The following AGBL4 variants were observed in gnomAD, a reference collection of about 807,000 sequenced individuals.
AGBL4 encodes cytosolic carboxypeptidase 6.
A neutral mutation model predicts 66.4 loss-of-function variants in AGBL4; 58 were observed. That is an observed-to-expected ratio of 0.87 (90% CI 0.71 to 1.09). The LOEUF is 1.09. Ranked by LOEUF, AGBL4 falls within the 50% of genes least tolerant of loss-of-function variation. The pLI, the probability that AGBL4 is intolerant of heterozygous loss-of-function variation, is 0.00. For missense variants in AGBL4, 579 were observed against 631.0 expected, an observed-to-expected ratio of 0.92 and a Z score of 0.88; for synonymous variants, 234 against 222.9, an observed-to-expected ratio of 1.05 and a Z score of -0.44.
intron 3 of AGBL4, among the ~76,000 whole-genome samples, chr1:49,695,987 A>G (rs368516398): frequency 6.6e-6 from 1 of 152,118 alleles, no homozygotes; most frequent in Non-Finnish European, 1.5e-5. Flanking sequence ...AGTTGAGATA[A>G]AATGATGAGA....
intron 4 of AGBL4, among the ~76,000 whole-genome samples, chr1:49,066,424 C>T (rs543898383): frequency 7.2e-5 from 11 of 152,202 alleles, no homozygotes; most frequent in South Asian, 6.2e-4. Context: ...TGGTGGCACA[C>T]GCCTGTAGTC....
chr1:48,764,844 G>A (rs780576795), intron 6 of AGBL4, among the ~76,000 whole-genome samples: 33 of 152,180 alleles, frequency 2.2e-4, no homozygotes, highest in Non-Finnish European at 3.2e-4. Flanking sequence ...AAGGTGCAGC[G>A]GATGACAGAG....
At chr1:49,012,621 T>C (rs1662527622) in intron 5 of AGBL4, among the ~76,000 whole-genome samples, 1 of 152,178 alleles carries the variant, frequency 6.6e-6, no homozygotes, top group Non-Finnish European at 1.5e-5. Context: ...ATTAAGGAAG[T>C]GACATGTTAT....
At chr1:49,329,722 TTGTC>T (rs1464565687) in intron 3 of AGBL4, among the ~76,000 whole-genome samples, 3 of 151,414 alleles carry the variant, frequency 2.0e-5, no homozygotes, top group Admixed American at 2.0e-4. Flanking sequence ...GCTATTTTCT[TTGTC>T]TATCAAAATT....
intron 3 of AGBL4, among the ~76,000 whole-genome samples, chr1:49,358,841 A>G (rs1242523791): frequency 1.3e-5 from 2 of 152,206 alleles, no homozygotes; most frequent in African/African-American, 4.8e-5. Context: ...ATTTATTGAC[A>G]TGGAAAGATA....
chr1:49,926,006 T>G (rs1652731897), intron 1 of AGBL4, among the ~76,000 whole-genome samples: 2 of 152,218 alleles, frequency 1.3e-5, no homozygotes, highest in South Asian at 4.1e-4. Flanking sequence ...CTGCTGACTG[T>G]ACAGCCCCCA....
chr1:48,571,012 A>G (rs1644554005), intron 11 of AGBL4, among the ~76,000 whole-genome samples: 1 of 152,220 alleles, frequency 6.6e-6, no homozygotes, highest in African/African-American at 2.4e-5. Flanking sequence ...TGGGATCCCC[A>G]TGAAGCGAGC....
intron 5 of AGBL4, among the ~76,000 whole-genome samples, chr1:48,971,282 A>G (rs1658881106): frequency 6.6e-6 from 1 of 152,100 alleles, no homozygotes; most frequent in Non-Finnish European, 1.5e-5. Context: ...GAACTGCGCA[A>G]ATGAGGGATC....
chr1:48,664,422 G>C (rs1570176467), intron 6 of AGBL4, among the ~76,000 whole-genome samples: 1 of 152,208 alleles, frequency 6.6e-6, no homozygotes, highest in East Asian at 1.9e-4. Flanking sequence ...CAAGGAGAAT[G>C]AGAATTCAGA....
At position 49,949,998 on chromosome 1, in the gene AGBL4, G is replaced by GTA. The variant is rs750658306; in HGVS notation, c.34+73763_34+73764dup. ...TACACACATATGTATATATATATGTGTATATATATATACACACACATATGT... is the reference window on the plus strand; with the variant it reads ...TACACACATATGTATATATATATGTGTATATATATATATACACACACATATGT... On this transcript the variant is annotated intron_variant, in intron 1 of 13. Transcript: ENST00000371839. 5.5e-3 allele frequency among the ~76,000 whole-genome samples: 585 copies of GTA among 105,590 alleles called. 2 individuals are homozygous for GTA. The highest frequency in any genetic ancestry group is 0.053 in the Middle Eastern group (11 of 206). The allele number at this position is 105,590 out of a possible 152,430, so 69.3% of individuals were successfully genotyped here. A position where few individuals can be genotyped will look rare whatever the true frequency, so the allele number is the denominator to read the frequency against.
intron 6 of AGBL4, among the ~76,000 whole-genome samples, chr1:48,715,455 T>A (rs561096362): frequency 6.6e-6 from 1 of 152,302 alleles, no homozygotes; most frequent in South Asian, 2.1e-4. Flanking sequence ...GATGCATCTG[T>A]CACTTCCCCC....
chr1:48,816,092 T>TAG (rs137949221), intron 6 of AGBL4, among the ~76,000 whole-genome samples: 43 of 110,554 alleles, frequency 3.9e-4, no homozygotes, highest in Non-Finnish European at 6.7e-4. Context: ...TGTGTGTGTG[T>TAG]AGAGAGAAAG....
At chr1:49,239,931 G>A (rs1313962047) in intron 4 of AGBL4, among the ~76,000 whole-genome samples, 3 of 151,920 alleles carry the variant, frequency 2.0e-5, no homozygotes, top group Admixed American at 6.6e-5. Flanking sequence ...GTGGAACAGA[G>A]GATGTAATTT....
intron 3 of AGBL4, among the ~76,000 whole-genome samples, chr1:49,517,321 A>C (rs1649907930): frequency 6.6e-6 from 1 of 151,920 alleles, no homozygotes; most frequent in African/African-American, 2.4e-5. Flanking sequence ...TTGAGGACAA[A>C]AAAAAAATCA....
intron 3 of AGBL4, among the ~76,000 whole-genome samples, chr1:49,322,403 C>A (rs1000203851): frequency 6.6e-6 from 1 of 152,100 alleles, no homozygotes; most frequent in African/African-American, 2.4e-5. Context: ...AAATAAAAGC[C>A]ATTTTAGCTA....
chr1:49,294,020 G>A (rs1022335334), intron 3 of AGBL4, among the ~76,000 whole-genome samples: 1 of 152,154 alleles, frequency 6.6e-6, no homozygotes, highest in Non-Finnish European at 1.5e-5. Context: ...GGTTTTAAAG[G>A]AATAGAAATG....
intron 2 of AGBL4, among the ~76,000 whole-genome samples, chr1:49,796,370 C>CA (rs1644729547): frequency 6.6e-6 from 1 of 150,742 alleles, no homozygotes; most frequent in South Asian, 2.1e-4. Flanking sequence ...GAAATGAAGA[C>CA]AAAAAAATGT....
chr1:49,233,610 CAT>C (rs1374222986), intron 4 of AGBL4, among the ~76,000 whole-genome samples: 1 of 152,144 alleles, frequency 6.6e-6, no homozygotes, highest in Non-Finnish European at 1.5e-5. Context: ...TGGCAGGTAA[CAT>C]ATGTGCACAA....
intron 3 of AGBL4, among the ~76,000 whole-genome samples, chr1:49,529,417 T>A (rs993572331): frequency 6.6e-6 from 1 of 152,136 alleles, no homozygotes; most frequent in African/African-American, 2.4e-5. Context: ...TGGTGGCTTA[T>A]GCCAGTAATC....
Sources: gnomAD v4.1 joint callset for allele counts (sites outside exome capture counted in the v4.1 genomes callset) on GRCh38, gnomAD v4.1.1 for gene constraint, MANE v1.5 for transcripts, NCBI Gene and HGNC (gene_info 2026-07-23, HGNC 2026-07-21) for gene names.